The following IGSF21 variants were observed in gnomAD, a reference collection of about 807,000 sequenced individuals.
IGSF21 encodes immunoglobin superfamily member 21.
In IGSF21, 28 loss-of-function variants were observed where a neutral mutation model predicts 46.8. The observed-to-expected ratio is 0.60, with a 90% CI of 0.44 to 0.82. IGSF21 has a LOEUF of 0.82. Ranked by LOEUF, IGSF21 falls within the 40% of genes least tolerant of loss-of-function variation. IGSF21 has a pLI of 0.00. For synonymous variants in IGSF21, 284 were observed against 273.6 expected (o/e 1.04, Z -0.38); for missense variants, 624 against 665.5 (o/e 0.94, Z 0.69).
At chr1:18,258,388 C>A (rs2124534043) in intron 2 of IGSF21, among the ~76,000 whole-genome samples, 1 of 152,308 alleles carries the variant, frequency 6.6e-6, no homozygotes, top group African/African-American at 2.4e-5. Context: ...TAAGGTGGAC[C>A]CTGTAGCCTT....
chr1:18,187,017 A>T (rs2086909417), intron 1 of IGSF21, among the ~76,000 whole-genome samples: 1 of 152,178 alleles, frequency 6.6e-6, no homozygotes, highest in Non-Finnish European at 1.5e-5. Flanking sequence ...GAGTGGTACC[A>T]TAAAGGCAAG....
intron 1 of IGSF21, among the ~76,000 whole-genome samples, chr1:18,185,982 G>A (rs150759145): frequency 7.9e-5 from 12 of 152,268 alleles, no homozygotes; most frequent in Non-Finnish European, 1.2e-4. Context: ...ATAAAGTGGT[G>A]GAAAGTGCCT....
chr1:18,306,766 G>A (rs1239115467), intron 3 of IGSF21, among the ~76,000 whole-genome samples: 1 of 152,212 alleles, frequency 6.6e-6, no homozygotes, highest in Admixed American at 6.5e-5. Flanking sequence ...CACACAATGT[G>A]TCTGAGCCTC....
chr1:18,259,753 G>GCTCCAA (rs1264432478), intron 2 of IGSF21, among the ~76,000 whole-genome samples: 1 of 152,192 alleles, frequency 6.6e-6, no homozygotes, highest in East Asian at 1.9e-4. Flanking sequence ...GCCAGTGGGT[G>GCTCCAA]GAGAGAACTT....
At chr1:18,260,313 G>A (rs895883285) in intron 2 of IGSF21, among the ~76,000 whole-genome samples, 1 of 152,264 alleles carries the variant, frequency 6.6e-6, no homozygotes, top group African/African-American at 2.4e-5. Context: ...GGTGGCAGGA[G>A]AGCTTTGTCT....
intron 1 of IGSF21, among the ~76,000 whole-genome samples, chr1:18,205,319 C>T (rs112772972): frequency 8.1e-4 from 123 of 152,064 alleles, no homozygotes; most frequent in African/African-American, 2.6e-3. Context: ...CTTGAAATCA[C>T]CAGAGAGAGA....
At chr1:18,183,234 G>T (rs942217792) in intron 1 of IGSF21, among the ~76,000 whole-genome samples, 1 of 152,130 alleles carries the variant, frequency 6.6e-6, no homozygotes, top group Non-Finnish European at 1.5e-5. Flanking sequence ...CCGTTTTATA[G>T]AATATAATAA....
At chr1:18,233,990 A>T (rs545064840) in intron 2 of IGSF21, among the ~76,000 whole-genome samples, 37 of 152,300 alleles carry the variant, frequency 2.4e-4, no homozygotes, top group African/African-American at 8.7e-4. Flanking sequence ...CTAAGGAGAC[A>T]GGAAACAATA....
intron 1 of IGSF21, among the ~76,000 whole-genome samples, chr1:18,163,249 A>G (rs1018096504): frequency 6.6e-6 from 1 of 151,944 alleles, no homozygotes; most frequent in East Asian, 1.9e-4. Flanking sequence ...GAAAAAAAAA[A>G]GGCAATGTGG....
At chr1:18,122,909 G>C (rs894826683) in intron 1 of IGSF21, among the ~76,000 whole-genome samples, 26 of 152,044 alleles carry the variant, frequency 1.7e-4, no homozygotes, top group African/African-American at 6.3e-4. Context: ...TTACAGGCAT[G>C]AGCCACCGCA....
At chr1:18,124,635 G>A (rs1194618789) in intron 1 of IGSF21, among the ~76,000 whole-genome samples, 2 of 152,156 alleles carry the variant, frequency 1.3e-5, no homozygotes, top group Admixed American at 6.5e-5. Flanking sequence ...TGGCTGGGCT[G>A]CTGTGGAAGG....
intron 4 of IGSF21, among the ~76,000 whole-genome samples, chr1:18,358,308 G>A (rs2086046823): frequency 1.3e-5 from 2 of 152,118 alleles, no homozygotes; most frequent in South Asian, 4.1e-4. Flanking sequence ...ACCGCATTAA[G>A]ATAAGTTTAA....
intron 1 of IGSF21, among the ~76,000 whole-genome samples, chr1:18,192,027 G>A (rs2086962444): frequency 6.6e-6 from 1 of 152,096 alleles, no homozygotes; most frequent in Non-Finnish European, 1.5e-5. Flanking sequence ...GCCACGCTCT[G>A]TCATGCACAC....
At position 18,218,536 on chromosome 1, in the gene IGSF21, C is replaced by T. The variant is rs146653878; in HGVS notation, c.71-9362C>T. Reference sequence around the variant, plus strand: ...ATAAAACCTAGGCAGAATATATGGACATCTATTTGAAAAATCTGAAAAGTA... The same window carrying T: ...ATAAAACCTAGGCAGAATATATGGATATCTATTTGAAAAATCTGAAAAGTA... On this transcript the variant is annotated intron_variant, in intron 1 of 9. Coordinates refer to ENST00000251296, the MANE Select transcript of IGSF21 (RefSeq NM_032880.5). 3.7e-3 allele frequency among the ~76,000 whole-genome samples: 558 copies of T among 152,318 alleles called. 2 individuals are homozygous for T. Among genetic ancestry groups the T allele is most frequent in the Non-Finnish European group, 6.3e-3 (426 of 68,028 alleles).
intron 1 of IGSF21, among the ~76,000 whole-genome samples, chr1:18,192,477 G>T (rs970232518): frequency 2.0e-5 from 3 of 152,260 alleles, no homozygotes; most frequent in Non-Finnish European, 2.9e-5. Context: ...GGCACAGTTA[G>T]CGCCATGTGG....
Position 18,365,458 on chromosome 1 carries a change from A to C in IGSF21, c.776A>C (p.Gln259Pro). The change falls in exon 6 of 10, where the codon CAG becomes CCG. Residue 259 changes from glutamine (Q) to proline (P), a missense_variant. By Grantham distance (76) the Gln-to-Pro change is moderately conservative (BLOSUM62 -1). Coordinates refer to ENST00000251296, the MANE Select transcript of IGSF21 (RefSeq NM_032880.5). The surrounding 1 kb of genome is among the most constrained non-coding windows in gnomAD (Gnocchi z 4.8). ...ACCCCAGATCCCAACATCCTCCTCC[A>C]GCCAACCACAGAGAACATACCAGAG... ...GLTPDPNILL[Q>P]PTTENIPETV... 6 of 1,613,800 alleles carry C rather than the reference A, an allele frequency of 3.7e-6. No individual in the cohort carries two copies. The highest frequency in any genetic ancestry group is 5.1e-6 in the Non-Finnish European group (6 of 1,179,962).
intron 1 of IGSF21, among the ~76,000 whole-genome samples, chr1:18,119,485 T>C (rs2086214352): frequency 1.3e-5 from 2 of 152,236 alleles, no homozygotes; most frequent in African/African-American, 4.8e-5. Context: ...TTCCAAAAGC[T>C]CTACTGGACA....
At chr1:18,346,590 C>T (rs1026239711) in intron 4 of IGSF21, among the ~76,000 whole-genome samples, 7 of 152,112 alleles carry the variant, frequency 4.6e-5, no homozygotes, top group South Asian at 2.1e-4. Flanking sequence ...TGTGGAGACA[C>T]GGCGGACCTG....
chr1:18,201,977 C>T (rs1016005449), intron 1 of IGSF21, among the ~76,000 whole-genome samples: 1 of 152,188 alleles, frequency 6.6e-6, no homozygotes, highest in African/African-American at 2.4e-5. Flanking sequence ...CCTCTTCTCC[C>T]TCTAGTTGCC....
Sources: allele counts gnomAD v4.1 joint callset (sites outside exome capture counted in the v4.1 genomes callset), GRCh38; gene constraint gnomAD v4.1.1; non-coding constraint Gnocchi (gnomAD v3.1); transcripts MANE v1.5; gene names NCBI Gene and HGNC (gene_info 2026-07-23, HGNC 2026-07-21).